The following GSN variants were observed in gnomAD, a reference collection of about 807,000 sequenced individuals.
GSN encodes gelsolin.
A neutral mutation model predicts 85.7 loss-of-function variants in GSN; 56 were observed. The ratio of observed to expected loss-of-function variants is 0.65; its 90% CI spans 0.53 to 0.82. The LOEUF (loss-of-function observed/expected upper bound fraction) is 0.82, where lower values mean the gene tolerates loss of function less well. Ranked by LOEUF, GSN falls within the 40% of genes least tolerant of loss-of-function variation. The probability of loss-of-function intolerance (pLI) is 0.00; values close to 1 mark genes in which losing one functional copy is unlikely to be tolerated. For missense variants in GSN, 857 were observed against 979.8 expected (o/e 0.87, Z 1.67); for synonymous variants, 373 against 399.1 (o/e 0.93, Z 0.78).
chr9:121,317,407 T>G, intron 8 of GSN, 189 bp downstream of exon 8: 2 of 640,684 alleles, frequency 3.1e-6, no homozygotes, highest in South Asian at 3.5e-5. Flanking sequence ...ACTTACCCTT[T>G]CTGGGCCTCA....
At chr9:121,234,129 C>T (rs1233060244) in intron 5 of GSN, among the ~76,000 whole-genome samples, 1 of 150,562 alleles carries the variant, frequency 6.6e-6, no homozygotes, top group African/African-American at 2.4e-5. Context: ...GGTGCTTTCT[C>T]CTGTAGAAGG....
At chr9:121,321,470 A>C (rs2062438740) in intron 11 of GSN, 69 bp downstream of exon 11, 1 of 1,524,204 alleles carries the variant, frequency 6.6e-7, no homozygotes, top group East Asian at 2.3e-5. Flanking sequence ...GCTGAAGACA[A>C]ACTGAGGGTG....
chr9:121,223,138 T>G (rs549381990), intron 4 of GSN: 2 of 152,306 alleles, frequency 1.3e-5, no homozygotes, highest in Admixed American at 1.3e-4. Context: ...TGAGTGCGCA[T>G]GCTTGAGCCC....
At chr9:121,327,553 C>T in intron 14 of GSN, 71 bp downstream of exon 14, 1 of 1,288,416 alleles carries the variant, frequency 7.8e-7, no homozygotes, top group South Asian at 1.4e-5. Flanking sequence ...TTTCCTTCAG[C>T]TTGGGGGCTC....
At position 121,312,359 on chromosome 9, in the gene GSN, T is replaced by A. The variant is rs755098455; in HGVS notation, c.534T>A (p.Gly178=). Residue 178 remains glycine, a synonymous_variant, in exon 6 of 18, where the codon GGT becomes GGA. Coordinates refer to ENST00000432226, the MANE Select transcript of GSN (RefSeq NM_198252.3). Reference sequence around the variant, plus strand: ...TCCAGAACATCCACCAGTGGTGTGGTTCCAACAGCAATCGGTATGAAAGAC... The same window carrying A: ...TCCAGAACATCCACCAGTGGTGTGGATCCAACAGCAATCGGTATGAAAGAC... ...DLGNNIHQWC[G]SNSNRYERLK... 1 of 1,614,122 alleles carries A rather than the reference T, an allele frequency of 6.2e-7. No homozygotes were observed. The highest frequency in any genetic ancestry group is 8.5e-7 in the Non-Finnish European group (1 of 1,180,000).
At chr9:121,239,002 A>T in intron 5 of GSN, 1 of 513,568 alleles carries the variant, frequency 1.9e-6, no homozygotes, top group South Asian at 1.5e-5. Flanking sequence ...TCTCTTGTGT[A>T]GCTGTCTGTC....
At chr9:121,230,379 G>C (rs2054363742) in intron 4 of GSN, among the ~76,000 whole-genome samples, 1 of 152,216 alleles carries the variant, frequency 6.6e-6, no homozygotes, top group South Asian at 2.1e-4. Context: ...GTGCAGAAAG[G>C]ACCTCATGAA....
At chr9:121,285,862 C>T (rs368871761) in intron 2 of GSN, among the ~76,000 whole-genome samples, 2 of 152,292 alleles carry the variant, frequency 1.3e-5, no homozygotes, top group African/African-American at 4.8e-5. Context: ...ACAAAGCATA[C>T]CCCCACTAAT....
intron 1 of GSN, among the ~76,000 whole-genome samples, chr9:121,271,828 G>T (rs2056020040): frequency 6.6e-6 from 1 of 152,212 alleles, no homozygotes; most frequent in African/African-American, 2.4e-5. Flanking sequence ...GGCTCCAAAA[G>T]GACACAGGAC....
intron 6 of GSN, among the ~76,000 whole-genome samples, chr9:121,262,005 T>C (rs1225495103): frequency 1.3e-5 from 2 of 152,206 alleles, no homozygotes; most frequent in African/African-American, 4.8e-5. Context: ...TATGAATTAC[T>C]TTTTGTTTCT....
intron 16 of GSN, among the ~76,000 whole-genome samples, chr9:121,330,174 C>T (rs993120294): frequency 6.6e-6 from 1 of 152,198 alleles, no homozygotes; most frequent in Admixed American, 6.5e-5. Flanking sequence ...TATTCAGCAC[C>T]ATGGTCTTGC....
chr9:121,306,993 C>T (rs949161673), intron 4 of GSN, among the ~76,000 whole-genome samples: 1 of 152,088 alleles, frequency 6.6e-6, no homozygotes, highest in East Asian at 1.9e-4. Context: ...CCTGCCTGGC[C>T]AACATGGTGA....
rs1173078649 is a variant in GSN, at chr9:121,302,161, TGGCTGGGTGA to T, written c.196+1_196+10del. The T allele has an allele frequency of 6.2e-7, 1 of 1,613,912 alleles. No homozygotes were observed. The highest frequency in any genetic ancestry group is 8.5e-7 in the Non-Finnish European group (1 of 1,179,964). ...AAATCTGCAGTATGACCTCCACTACTGGCTGGGTGAGGCTGGCCCTGCCCAGCCCCTGCCC... is the reference window on the plus strand; with the variant it reads ...AAATCTGCAGTATGACCTCCACTACTGGCTGGCCCTGCCCAGCCCCTGCCC... On this transcript the variant is annotated splice_donor_variant and splice_donor_region_variant and coding_sequence_variant and intron_variant, in exon 3 of 18. Coordinates refer to ENST00000432226, the MANE Select transcript of GSN (RefSeq NM_198252.3). LOFTEE classifies it high-confidence loss of function.
At chr9:121,210,181 C>T (rs1374685359) in intron 2 of GSN, 1 of 152,242 alleles carries the variant, frequency 6.6e-6, no homozygotes, top group Non-Finnish European at 1.5e-5. Flanking sequence ...CTTGCCCACT[C>T]TCTATGTCCA....
intron 4 of GSN, among the ~76,000 whole-genome samples, chr9:121,211,768 A>G (rs956153342): frequency 6.6e-6 from 1 of 152,112 alleles, no homozygotes; most frequent in Non-Finnish European, 1.5e-5. Flanking sequence ...GTTCAAGTAG[A>G]TGGGGCTCTA....
intron 7 of GSN, among the ~76,000 whole-genome samples, chr9:121,315,348 A>G (rs1339162225): frequency 6.6e-6 from 1 of 152,198 alleles, no homozygotes; most frequent in Non-Finnish European, 1.5e-5. Flanking sequence ...AGGATGTTCC[A>G]CCTTTTCCAG....
intron 2 of GSN, chr9:121,285,180 A>G (rs1036607351): frequency 6.0e-6 from 1 of 167,216 alleles, no homozygotes; most frequent in Non-Finnish European, 1.5e-5. Context: ...TGATTAAACA[A>G]TGGGGAAATC....
chr9:121,325,201 T>A (rs537626675), intron 12 of GSN, among the ~76,000 whole-genome samples: 28 of 152,334 alleles, frequency 1.8e-4, no homozygotes, highest in African/African-American at 6.7e-4. Context: ...ATATAAGAAG[T>A]GCCCCCTTAT....
chr9:121,202,006 C>T, the GSN span: 1 of 152,514 alleles, frequency 6.6e-6, no homozygotes, highest in African/African-American at 2.4e-5. Flanking sequence ...ACGCCCCTTC[C>T]TCAGCCCTCA....
Sources: gnomAD v4.1 joint callset for allele counts (sites outside exome capture counted in the v4.1 genomes callset) on GRCh38, gnomAD v4.1.1 for gene constraint, MANE v1.5 for transcripts, NCBI Gene and HGNC (gene_info 2026-07-23, HGNC 2026-07-21) for gene names.